Variants in LARGE1 observed in about 807,000 individuals in gnomAD.
LARGE1 encodes the protein LARGE xylosyl- and glucuronyltransferase 1.
In LARGE1, 43 loss-of-function variants were observed where a neutral mutation model predicts 87.6. The ratio of observed to expected loss-of-function variants is 0.49; its 90% CI spans 0.38 to 0.63. The LOEUF (loss-of-function observed/expected upper bound fraction) is 0.63, where lower values mean the gene tolerates loss of function less well. Among genes scored for constraint, LARGE1 ranks in the 30% least tolerant of loss-of-function variants. LARGE1 has a pLI of 0.00. For synonymous variants in LARGE1, 434 were observed against 394.6 expected (o/e 1.10, Z -1.18); for missense variants, 802 against 1,000.2 (o/e 0.80, Z 2.67).
intron 5 of LARGE1, among the ~76,000 whole-genome samples, chr22:33,596,967 C>T (rs1009505991): frequency 2.0e-5 from 3 of 152,200 alleles, no homozygotes; most frequent in Admixed American, 2.0e-4. Flanking sequence ...CAGAAGGCCA[C>T]ACACACCTTA....
chr22:33,812,399 C>T lies in LARGE1; in HGVS notation c.-82-50841G>A, dbSNP rs568622016. Among the ~76,000 whole-genome samples, 21 of 152,322 alleles carry T rather than the reference C, an allele frequency of 1.4e-4. No homozygotes were observed. The East Asian group carries it at 4.0e-3, about 29-fold the overall frequency. ...TTTTTGACATGTAATGTCTTCTATT[C>T]GTTACTTCCCCCAGACACATGCACA... On this transcript the variant is annotated intron_variant, in intron 1 of 14. Coordinates refer to ENST00000397394, the MANE Select transcript of LARGE1 (RefSeq NM_133642.5).
At chr22:33,248,169 C>T (rs535153922) in intron 11 of LARGE1, among the ~76,000 whole-genome samples, 2 of 151,984 alleles carry the variant, frequency 1.3e-5, no homozygotes, top group African/African-American at 4.8e-5. Flanking sequence ...CATACGCCAC[C>T]TTCCCCAACA....
chr22:33,316,167 G>A lies in LARGE1; in HGVS notation c.1369C>T (p.His457Tyr). Residue 457 changes from histidine (H) to tyrosine (Y), a missense_variant, in exon 11 of 15, where the codon CAC (histidine) becomes TAC (tyrosine). Transcript: ENST00000397394. ...TACTCGTAGTGCAGGAAGTACAGGT[G>A]GGTGCGGTGGACAGTGAAGCGCTCT... ...RRERFTVHRT[H>Y]LYFLHYEYEP... 1 of 1,614,112 alleles carries A rather than the reference G, an allele frequency of 6.2e-7. No homozygotes were observed.
chr22:33,224,081 C>G (rs540829288), intron 11 of LARGE1, among the ~76,000 whole-genome samples: 4 of 152,056 alleles, frequency 2.6e-5, no homozygotes, highest in Non-Finnish European at 5.9e-5. Flanking sequence ...ATCAGGAGAT[C>G]GAGACCATCC....
chr22:33,872,999 T>TC (rs1555887116), intron 1 of LARGE1: 1 of 123,192 alleles, frequency 8.1e-6, no homozygotes, highest in African/African-American at 3.1e-5. Flanking sequence ...AAATTCTGTC[T>TC]CAAAAAAAAA....
At chr22:33,212,949 C>T (rs565057615) in intron 11 of LARGE1, among the ~76,000 whole-genome samples, 340 of 149,590 alleles carry the variant, frequency 2.3e-3, no homozygotes, top group Non-Finnish European at 3.4e-3. Context: ...ACCCAGGAGG[C>T]GGGGTCTGCA....
At chr22:33,510,757 T>C (rs2071018551) in intron 6 of LARGE1, among the ~76,000 whole-genome samples, 1 of 152,068 alleles carries the variant, frequency 6.6e-6, no homozygotes, top group Non-Finnish European at 1.5e-5. Context: ...TTGTATTTCT[T>C]TGTTGTTGTT....
the LARGE1 span, among the ~76,000 whole-genome samples, chr22:33,087,657 G>A: frequency 0.04 from 6,162 of 152,158 alleles, 302 homozygotes; most frequent in East Asian, 0.24. Context: ...ATTTTAGGCC[G>A]GGCGTGGTGG....
chr22:33,637,518 G>A (rs1358812648), intron 3 of LARGE1, among the ~76,000 whole-genome samples: 4 of 152,030 alleles, frequency 2.6e-5, no homozygotes, highest in Admixed American at 6.6e-5. Context: ...TGTCAGAGCC[G>A]GGCTGTATGA....
chr22:33,322,804 T>C (rs1315126143), intron 10 of LARGE1: 3 of 152,128 alleles, frequency 2.0e-5, no homozygotes, highest in Non-Finnish European at 2.9e-5. Flanking sequence ...AATATTGTCA[T>C]TTACCAACCA....
chr22:33,280,045 A>G (rs1227446774), intron 13 of LARGE1, among the ~76,000 whole-genome samples: 1 of 152,226 alleles, frequency 6.6e-6, no homozygotes, highest in African/African-American at 2.4e-5. Context: ...GTGAGAAAAT[A>G]TAAAGAGTCT....
At chr22:33,759,919 AG>A (rs1449774009) in intron 2 of LARGE1, among the ~76,000 whole-genome samples, 1 of 152,148 alleles carries the variant, frequency 6.6e-6, no homozygotes, top group Non-Finnish European at 1.5e-5. Context: ...ATGCACCTAA[AG>A]GGTGGGAACA....
intron 3 of LARGE1, among the ~76,000 whole-genome samples, chr22:33,639,249 G>A (rs546538111): frequency 8.5e-5 from 13 of 152,126 alleles, no homozygotes; most frequent in African/African-American, 2.9e-4. Context: ...AGAAAGGGAG[G>A]TTGGGTCAGC....
rs569218997 is a variant in LARGE1, at chr22:33,312,339, T to C, written c.1451+3746A>G. On this transcript the variant is annotated intron_variant, in intron 11 of 14. Coordinates refer to ENST00000397394, the MANE Select transcript of LARGE1 (RefSeq NM_133642.5). ...GCCTGTAGTCCCAGCTATTGGGAGG[T>C]TGAGGCGGGAGAATCGCTCGAACCC... is the stretch of plus-strand genomic sequence containing the variant. 2.4e-3 allele frequency among the ~76,000 whole-genome samples: 357 copies of C among 151,024 alleles called. 3 individuals are homozygous for C. Among genetic ancestry groups the C allele is most frequent in the African/African-American group, 8.1e-3 (334 of 41,024 alleles).
intron 2 of LARGE1, among the ~76,000 whole-genome samples, chr22:33,670,230 T>A (rs73170510): frequency 0.022 from 3,318 of 151,970 alleles, 53 homozygotes; most frequent in Non-Finnish European, 0.036. Context: ...CCTTTCCCTA[T>A]CAATCACTAT....
intron 9 of LARGE1, among the ~76,000 whole-genome samples, chr22:33,361,439 C>T (rs570119742): frequency 7.4e-5 from 11 of 149,392 alleles, no homozygotes; most frequent in African/African-American, 2.7e-4. Context: ...CTGTGTGCAT[C>T]TATTTCTTCT....
intron 11 of LARGE1, among the ~76,000 whole-genome samples, chr22:33,230,324 A>C (rs1925947447): frequency 6.6e-6 from 1 of 151,968 alleles, no homozygotes; most frequent in Non-Finnish European, 1.5e-5. Flanking sequence ...CTGGCCTCAA[A>C]GTTCTCATGT....
chr22:33,129,625 G>C, the LARGE1 span, among the ~76,000 whole-genome samples: 1 of 152,128 alleles, frequency 6.6e-6, no homozygotes, highest in Non-Finnish European at 1.5e-5. Flanking sequence ...CCCGAGACTG[G>C]GTAATTTATA....
At chr22:33,549,968 A>C (rs1352716550) in intron 6 of LARGE1, among the ~76,000 whole-genome samples, 4 of 152,124 alleles carry the variant, frequency 2.6e-5, no homozygotes, top group Non-Finnish European at 4.4e-5. Flanking sequence ...CATGGTGTAC[A>C]TGTGCCACAT....
Sources: allele counts gnomAD v4.1 joint callset (sites outside exome capture counted in the v4.1 genomes callset), GRCh38; gene constraint gnomAD v4.1.1; transcripts MANE v1.5; gene names NCBI Gene and HGNC (gene_info 2026-07-23, HGNC 2026-07-21).